The following GLDC variants were observed in gnomAD, a reference collection of about 807,000 sequenced individuals.
The protein encoded by GLDC is glycine decarboxylase.
GLDC carries 104 observed loss-of-function variants against 121.3 expected under a neutral mutation model. That is an observed-to-expected ratio of 0.86 (90% CI 0.73 to 1.01). The LOEUF is 1.01. GLDC is among the 50% of genes least tolerant of loss of function. The probability of loss-of-function intolerance (pLI) is 0.00; values close to 1 mark genes in which losing one functional copy is unlikely to be tolerated. For missense variants in GLDC, 1,429 were observed against 1,306.6 expected, an observed-to-expected ratio of 1.09 and a Z score of -1.44; for synonymous variants, 546 against 480.6, an observed-to-expected ratio of 1.14 and a Z score of -1.78.
At chr9:6,608,714 C>G (rs1399086570) in intron 4 of GLDC, among the ~76,000 whole-genome samples, 1 of 151,970 alleles carries the variant, frequency 6.6e-6, no homozygotes, top group Non-Finnish European at 1.5e-5. Context: ...CCACTGTACT[C>G]CAGCCCGGGC....
At position 6,595,016 on chromosome 9, in the gene GLDC, T is replaced by C; in HGVS notation, c.1259A>G (p.Glu420Gly). The C allele has an allele frequency of 1.3e-6, 2 of 1,570,486 alleles. No homozygotes were observed. The highest frequency in any genetic ancestry group is 1.8e-6 in the Non-Finnish European group (2 of 1,140,108). The change falls in exon 9 of 25, where the codon GAA becomes GGA. Residue 420 changes from glutamate to glycine, a missense_variant and splice_region_variant. Transcript: ENST00000321612. ...TTTTAGACAGATTACCAACTCACCT[T>C]CTGACAAAATCAAAGTGGCATTATG... is the stretch of plus-strand genomic sequence containing the variant. ...RVHNATLILSEGLKRAGHQLQ... is the reference protein window; with the variant it reads ...RVHNATLILSGGLKRAGHQLQ...
At chr9:6,575,332 A>T (rs1818044565) in intron 15 of GLDC, among the ~76,000 whole-genome samples, 1 of 152,174 alleles carries the variant, frequency 6.6e-6, no homozygotes, top group South Asian at 2.1e-4. Flanking sequence ...AAGTCTCCCC[A>T]GGTAATTCTA....
intron 22 of GLDC, among the ~76,000 whole-genome samples, chr9:6,537,120 T>C (rs1391466217): frequency 1.3e-5 from 2 of 150,394 alleles, no homozygotes; most frequent in Admixed American, 6.7e-5. Flanking sequence ...AGCCTCAACC[T>C]CCTGGGCTCA....
At chr9:6,559,144 A>G (rs891720005) in intron 16 of GLDC, among the ~76,000 whole-genome samples, 1 of 152,132 alleles carries the variant, frequency 6.6e-6, no homozygotes, top group Non-Finnish European at 1.5e-5. Context: ...CAATACACCA[A>G]TTATATCAAT....
chr9:6,625,426 T>C (rs1819215160), intron 2 of GLDC, among the ~76,000 whole-genome samples: 2 of 152,116 alleles, frequency 1.3e-5, no homozygotes, highest in African/African-American at 2.4e-5. Context: ...GTTGAAATAA[T>C]TAGAAATAGC....
intron 16 of GLDC, among the ~76,000 whole-genome samples, chr9:6,562,195 A>G (rs1199535693): frequency 3.3e-5 from 5 of 152,226 alleles, no homozygotes; most frequent in Admixed American, 2.0e-4. Context: ...TAATTGCCAT[A>G]TAAGTGTTTG....
At chr9:6,634,845 C>T (rs1819469076) in intron 2 of GLDC, among the ~76,000 whole-genome samples, 1 of 152,176 alleles carries the variant, frequency 6.6e-6, no homozygotes, top group Non-Finnish European at 1.5e-5. Context: ...CCCCCTCCCT[C>T]TCCTCTGATC....
At chr9:6,610,441 T>G in intron 3 of GLDC, 85 bp from the exon 4 acceptor site, 1 of 1,358,276 alleles carries the variant, frequency 7.4e-7, no homozygotes. Context: ...ATTCAGTACC[T>G]GAAAATAATT....
At chr9:6,600,952 A>G (rs562800699) in intron 8 of GLDC, among the ~76,000 whole-genome samples, 2 of 152,232 alleles carry the variant, frequency 1.3e-5, no homozygotes, top group African/African-American at 4.8e-5. Flanking sequence ...AGGTGGGTGG[A>G]TCATGAGGTC....
At position 6,636,081 on chromosome 9, in the gene GLDC, T is replaced by A. The variant is rs1819495890; in HGVS notation, c.334+8533A>T. 2.6e-5 allele frequency among the ~76,000 whole-genome samples: 4 copies of A among 151,818 alleles called. No homozygotes were observed. The South Asian group carries it at 8.3e-4, about 32-fold the overall frequency. On this transcript the variant is annotated intron_variant, in intron 2 of 24. Transcript: ENST00000321612. ...ATTATGGGAGGCCAAGGTGGGTAGATCATCTGAGGTCAGGAGTTCAAGACC... is the reference window on the plus strand; with the variant it reads ...ATTATGGGAGGCCAAGGTGGGTAGAACATCTGAGGTCAGGAGTTCAAGACC...
chr9:6,545,980 C>T (rs1280637098), intron 21 of GLDC, among the ~76,000 whole-genome samples: 4 of 152,136 alleles, frequency 2.6e-5, no homozygotes, highest in Admixed American at 6.6e-5. Flanking sequence ...ATTTTTTAAA[C>T]CTTTCTGACT....
chr9:6,622,041 C>A (rs1335008643), intron 2 of GLDC, among the ~76,000 whole-genome samples: 1 of 152,092 alleles, frequency 6.6e-6, no homozygotes, highest in Non-Finnish European at 1.5e-5. Context: ...CCTAAGACAG[C>A]AAACTGGCAA....
chr9:6,565,238 T>C lies in GLDC; in HGVS notation c.1926+116A>G, dbSNP rs1162920070. 4 of 804,708 alleles carry C rather than the reference T, an allele frequency of 5.0e-6. No homozygotes were observed. In the African/African-American group the frequency reaches 6.7e-5, roughly 14 times the overall value. The allele number at this position is 804,708 out of a possible 1,614,324, so 49.8% of individuals were successfully genotyped here. A position where few individuals can be genotyped will look rare whatever the true frequency, so the allele number is the denominator to read the frequency against. ...TTCACAGAAATTTGTTTCTTGACTA[T>C]ATGTTCCCTCATCTGCTTCCAAGAA... is the stretch of plus-strand genomic sequence containing the variant. On this transcript the variant is annotated intron_variant, in intron 16 of 24. Coordinates refer to ENST00000321612, the MANE Select transcript of GLDC (RefSeq NM_000170.3).
intron 4 of GLDC, among the ~76,000 whole-genome samples, chr9:6,608,708 T>C (rs902509826): frequency 1.1e-4 from 16 of 152,088 alleles, no homozygotes; most frequent in Non-Finnish European, 1.9e-4. Flanking sequence ...ATCACGCCAC[T>C]GTACTCCAGC....
chr9:6,563,418 T>C (rs12339196), intron 16 of GLDC, among the ~76,000 whole-genome samples: 1 of 152,196 alleles, frequency 6.6e-6, no homozygotes, highest in African/African-American at 2.4e-5. Flanking sequence ...CGGGTGGAGA[T>C]GTCACACAGG....
chr9:6,632,768 T>C (rs1026033269), intron 2 of GLDC, among the ~76,000 whole-genome samples: 2 of 152,206 alleles, frequency 1.3e-5, no homozygotes, highest in Admixed American at 6.5e-5. Context: ...CACCTCTCTC[T>C]CAACCTCACT....
chr9:6,599,720 C>CAAAAAAAAAAAAAAAAAAAAA (rs549444099), intron 8 of GLDC, among the ~76,000 whole-genome samples: 1 of 120,774 alleles, frequency 8.3e-6, no homozygotes, highest in African/African-American at 3.3e-5. Context: ...GACTCCATCT[C>CAAAAAAAAAAAAAAAAAAAAA]AAAAAAAAAA....
intron 1 of GLDC, among the ~76,000 whole-genome samples, chr9:6,645,012 A>C (rs1252540299): frequency 6.6e-6 from 1 of 152,220 alleles, no homozygotes; most frequent in South Asian, 2.1e-4. Context: ...GGGTGGTTTA[A>C]AAATGTACAC....
intron 2 of GLDC, among the ~76,000 whole-genome samples, chr9:6,626,928 GA>G (rs1270430213): frequency 2.6e-5 from 4 of 152,170 alleles, no homozygotes; most frequent in Non-Finnish European, 5.9e-5. Flanking sequence ...TGGGTCTCCA[GA>G]TACAAATCAG....
Sources: allele counts gnomAD v4.1 joint callset (sites outside exome capture counted in the v4.1 genomes callset), GRCh38; gene constraint gnomAD v4.1.1; transcripts MANE v1.5; gene names NCBI Gene and HGNC (gene_info 2026-07-23, HGNC 2026-07-21).